FHOD3: variants seen among roughly 807,000 people sequenced by gnomAD.
FHOD3 encodes formin homology 2 domain containing 3.
A neutral mutation model predicts 173.0 loss-of-function variants in FHOD3; 90 were observed. The ratio of observed to expected loss-of-function variants is 0.52; its 90% CI spans 0.44 to 0.62. The LOEUF (loss-of-function observed/expected upper bound fraction) is 0.62. FHOD3 is among the 20% of genes least tolerant of loss of function. FHOD3 has a pLI of 0.00. For synonymous variants in FHOD3, 828 were observed against 823.0 expected, an observed-to-expected ratio of 1.01 and a Z score of -0.10; for missense variants, 1,945 against 2,034.7, an observed-to-expected ratio of 0.96 and a Z score of 0.85.
chr18:36,630,372 CT>C (rs113753059), intron 10 of FHOD3, among the ~76,000 whole-genome samples: 18,636 of 151,958 alleles, frequency 0.12, 1,221 homozygotes, highest in Non-Finnish European at 0.14. Flanking sequence ...ACAGTAGAGT[CT>C]TTTTTTTGAT....
intron 1 of FHOD3, among the ~76,000 whole-genome samples, chr18:36,300,030 A>T (rs74433156): frequency 0.016 from 2,363 of 152,334 alleles, 28 homozygotes; most frequent in Middle Eastern, 0.041. Flanking sequence ...CCACCTTGAT[A>T]GAAACAGCTG....
rs530876281 is a variant in FHOD3, at chr18:36,367,025, G to A, written c.273-5655G>A. 1.3e-4 allele frequency among the ~76,000 whole-genome samples: 20 copies of A among 152,280 alleles called. No homozygotes were observed. The South Asian group carries it at 1.5e-3, about 11-fold the overall frequency. On this transcript the variant is annotated intron_variant, in intron 2 of 28. Coordinates refer to ENST00000590592, the MANE Select transcript of FHOD3 (RefSeq NM_001281740.3). The stretch of plus-strand genomic sequence containing the variant: ...AATAATGTAAGCACTTGTTCTTATA[G>A]TCACAAAGGGCTTTATATGTTACTC...
chr18:36,577,166 A>G (rs1357563923), intron 6 of FHOD3, among the ~76,000 whole-genome samples: 4 of 152,154 alleles, frequency 2.6e-5, no homozygotes, highest in Non-Finnish European at 5.9e-5. Flanking sequence ...GTGTACATAT[A>G]TATTTATATG....
At chr18:36,568,620 C>G (rs73948065) in intron 5 of FHOD3, among the ~76,000 whole-genome samples, 2,868 of 152,174 alleles carry the variant, frequency 0.019, 89 homozygotes, top group African/African-American at 0.066. Context: ...ATACAGAGCT[C>G]AACCAAATGG....
Position 36,747,688 on chromosome 18 carries a change from G to A in FHOD3, c.4232+553G>A, listed in dbSNP as rs373437086. Among the ~76,000 whole-genome samples, 12 of 152,328 alleles carry A rather than the reference G, an allele frequency of 7.9e-5. No individual in the cohort carries two copies. In the East Asian group the frequency reaches 1.9e-3, roughly 25 times the overall value. ...AGGACCCTGGAGACACAGCAGTGAT[G>A]TGTCAGACCTTGTTGTGCCCACAAG... On this transcript the variant is annotated intron_variant, in intron 24 of 28. Coordinates refer to ENST00000590592, the MANE Select transcript of FHOD3 (RefSeq NM_001281740.3).
intron 17 of FHOD3, among the ~76,000 whole-genome samples, chr18:36,697,808 T>A (rs1362931186): frequency 6.6e-6 from 1 of 152,240 alleles, no homozygotes; most frequent in Non-Finnish European, 1.5e-5. Context: ...TAGAGTATCA[T>A]GAAATGTTTA....
intron 2 of FHOD3, among the ~76,000 whole-genome samples, chr18:36,360,207 C>G (rs563259991): frequency 4.3e-4 from 65 of 152,306 alleles, no homozygotes; most frequent in African/African-American, 1.5e-3. Flanking sequence ...AAGGTGCAGC[C>G]AGGTGGGAGT....
chr18:36,363,757 C>T (rs1195756496), intron 2 of FHOD3, among the ~76,000 whole-genome samples: 1 of 152,060 alleles, frequency 6.6e-6, no homozygotes. Flanking sequence ...TGTGAGAACT[C>T]ATAGAACTGT....
intron 10 of FHOD3, among the ~76,000 whole-genome samples, chr18:36,640,784 G>A (rs368227450): frequency 6.6e-6 from 1 of 151,806 alleles, no homozygotes; most frequent in Non-Finnish European, 1.5e-5. Context: ...TGTCCAATAC[G>A]AGGCATTATT....
chr18:36,463,236 G>T (rs907320925), intron 3 of FHOD3, among the ~76,000 whole-genome samples: 4 of 149,912 alleles, frequency 2.7e-5, no homozygotes, highest in Non-Finnish European at 4.4e-5. Flanking sequence ...ATTTAGAATT[G>T]AATAAATAGG....
chr18:36,699,738 G>A (rs1180200648), intron 17 of FHOD3, among the ~76,000 whole-genome samples: 4 of 152,106 alleles, frequency 2.6e-5, no homozygotes, highest in African/African-American at 9.7e-5. Context: ...ACACACTCAC[G>A]TTGACTTTCT....
intron 25 of FHOD3, 54 bp downstream of exon 25, chr18:36,755,365 G>T: frequency 2.2e-6 from 2 of 890,270 alleles, no homozygotes; most frequent in Non-Finnish European, 1.5e-6. Context: ...AGTAAGATCA[G>T]TCAGGAATCC....
chr18:36,531,711 T>C (rs1023128313), intron 5 of FHOD3, among the ~76,000 whole-genome samples: 1 of 152,196 alleles, frequency 6.6e-6, no homozygotes, highest in Non-Finnish European at 1.5e-5. Context: ...ACTGAATAAG[T>C]CTGAAAAACT....
At chr18:36,572,652 A>G (rs1319625879) in intron 5 of FHOD3, among the ~76,000 whole-genome samples, 1 of 152,120 alleles carries the variant, frequency 6.6e-6, no homozygotes. Context: ...CAGCTTTTAA[A>G]CCTTAGTTTG....
chr18:36,635,454 G>C (rs138331532), intron 10 of FHOD3, among the ~76,000 whole-genome samples: 3 of 152,298 alleles, frequency 2.0e-5, no homozygotes, highest in African/African-American at 7.2e-5. Flanking sequence ...GAACTCACTG[G>C]GGGAGAGCAG....
intron 14 of FHOD3, among the ~76,000 whole-genome samples, chr18:36,662,760 C>G (rs951248364): frequency 1.3e-5 from 2 of 152,094 alleles, no homozygotes; most frequent in African/African-American, 4.8e-5. Context: ...TTTAAGTGGT[C>G]AATATGTTAT....
chr18:36,302,165 C>A (rs552772964), intron 1 of FHOD3, among the ~76,000 whole-genome samples: 5 of 152,182 alleles, frequency 3.3e-5, no homozygotes, highest in Non-Finnish European at 7.4e-5. Context: ...TGTTCTCCTT[C>A]CAGGCAGCCT....
intron 16 of FHOD3, among the ~76,000 whole-genome samples, chr18:36,691,846 G>A (rs138949898): frequency 2.3e-4 from 35 of 152,360 alleles, no homozygotes; most frequent in African/African-American, 3.6e-4. Flanking sequence ...GCAAGGCACC[G>A]AGGGAAAGAA....
At chr18:36,609,376 A>G (rs1174260294) in intron 8 of FHOD3, among the ~76,000 whole-genome samples, 2 of 149,660 alleles carry the variant, frequency 1.3e-5, no homozygotes, top group Non-Finnish European at 3.0e-5. Flanking sequence ...AAAAAAAAAG[A>G]TGAATTTTTT....
Sources: gnomAD v4.1 joint callset for allele counts (sites outside exome capture counted in the v4.1 genomes callset) on GRCh38, gnomAD v4.1.1 for gene constraint, MANE v1.5 for transcripts, NCBI Gene and HGNC (gene_info 2026-07-23, HGNC 2026-07-21) for gene names.